SLC24A3: variants seen among roughly 807,000 people sequenced by gnomAD.
SLC24A3 encodes sodium/potassium/calcium exchanger 3.
A neutral mutation model predicts 75.8 loss-of-function variants in SLC24A3; 28 were observed. That is an observed-to-expected ratio of 0.37 (90% confidence interval 0.27 to 0.51). The LOEUF (loss-of-function observed/expected upper bound fraction) is 0.51, where lower values mean the gene tolerates loss of function less well. Among genes scored for constraint, SLC24A3 ranks in the 20% least tolerant of loss-of-function variants. The pLI is 0.94. For missense variants in SLC24A3, 663 were observed against 847.8 expected, an observed-to-expected ratio of 0.78 and a Z score of 2.71; for synonymous variants, 372 against 334.1, an observed-to-expected ratio of 1.11 and a Z score of -1.24.
intron 6 of SLC24A3, among the ~76,000 whole-genome samples, chr20:19,621,189 C>T (rs2031799402): frequency 6.6e-6 from 1 of 152,204 alleles, no homozygotes; most frequent in Admixed American, 6.5e-5. Flanking sequence ...TCCTGATTAA[C>T]ATCTCCCCAT....
chr20:19,367,185 T>A (rs116288395), intron 2 of SLC24A3, among the ~76,000 whole-genome samples: 2,977 of 152,312 alleles, frequency 0.02, 103 homozygotes, highest in African/African-American at 0.068. Flanking sequence ...AGCTCCCAAG[T>A]TGGACAGCAC....
chr20:19,276,848 T>C (rs1983502966), intron 1 of SLC24A3, among the ~76,000 whole-genome samples: 2 of 151,750 alleles, frequency 1.3e-5, no homozygotes, highest in African/African-American at 4.8e-5. Flanking sequence ...GAGGCTGCAG[T>C]GCACCATTGC....
At chr20:19,248,056 A>G (rs547276329) in intron 1 of SLC24A3, among the ~76,000 whole-genome samples, 150 of 152,356 alleles carry the variant, frequency 9.8e-4, no homozygotes, top group African/African-American at 3.4e-3. Flanking sequence ...TAAAACCTAC[A>G]TAGGTTTGTT....
intron 2 of SLC24A3, among the ~76,000 whole-genome samples, chr20:19,463,374 C>T (rs1987710258): frequency 6.6e-6 from 1 of 152,236 alleles, no homozygotes; most frequent in Non-Finnish European, 1.5e-5. Context: ...GATCCGTTAA[C>T]ATTTCAGTCT....
chr20:19,256,790 A>G (rs1191334453), intron 1 of SLC24A3, among the ~76,000 whole-genome samples: 2 of 149,290 alleles, frequency 1.3e-5, no homozygotes, highest in Admixed American at 6.7e-5. Context: ...AAAAAAAAAG[A>G]GAATTTTATG....
In SLC24A3 at chr20:19,717,450, G is replaced by T. The variant is rs1301405289; in HGVS notation, c.1720-78G>T. On this transcript the variant is annotated intron_variant, in intron 15 of 16. Transcript: ENST00000328041. ...ATCACTGCTACTCAGAGTTGCGTAG[G>T]CAGATGCCTTTTCCAAAGCCTAACT... 55 of 1,452,648 alleles carry T rather than the reference G, an allele frequency of 3.8e-5. 3 individuals carry two copies. The South Asian group carries it at 6.5e-4, about 17-fold the overall frequency. 90.0% of individuals were successfully genotyped at this position (1,452,648 alleles called of 1,614,324 possible). A position where few individuals can be genotyped will look rare whatever the true frequency, so the allele number is the denominator to read the frequency against.
intron 2 of SLC24A3, among the ~76,000 whole-genome samples, chr20:19,448,797 C>A (rs1156539155): frequency 6.6e-6 from 1 of 152,214 alleles, no homozygotes; most frequent in Non-Finnish European, 1.5e-5. Flanking sequence ...GTCAATGAGA[C>A]AAACCATGCA....
intron 3 of SLC24A3, among the ~76,000 whole-genome samples, chr20:19,515,951 C>T (rs2029978998): frequency 6.6e-6 from 1 of 152,216 alleles, no homozygotes; most frequent in Non-Finnish European, 1.5e-5. Context: ...TGCTATCTGC[C>T]ATTGCATAGT....
intron 1 of SLC24A3, among the ~76,000 whole-genome samples, chr20:19,216,237 G>A (rs918870623): frequency 2.0e-5 from 3 of 152,126 alleles, no homozygotes; most frequent in East Asian, 1.9e-4. Context: ...GATTACTTTT[G>A]TGTATTTTGA....
chr20:19,534,743 G>A (rs932404079), intron 3 of SLC24A3, among the ~76,000 whole-genome samples: 2 of 152,164 alleles, frequency 1.3e-5, no homozygotes, highest in East Asian at 3.9e-4. Flanking sequence ...TCTATGTGTA[G>A]AGACCCCTGA....
chr20:19,695,261 A>G (rs1472547629), intron 13 of SLC24A3, among the ~76,000 whole-genome samples: 3 of 152,174 alleles, frequency 2.0e-5, no homozygotes, highest in South Asian at 2.1e-4. Context: ...GGGCTGGCCC[A>G]GGAGGAACTG....
chr20:19,579,908 GA>G (rs1470894376), intron 3 of SLC24A3, 91 bp from the exon 4 acceptor site: 82 of 827,910 alleles, frequency 9.9e-5, no homozygotes, highest in South Asian at 7.9e-4. Flanking sequence ...CATGATGACA[GA>G]AGACATTATC....
intron 1 of SLC24A3, among the ~76,000 whole-genome samples, chr20:19,222,837 T>TTCCTTCC (rs1395253982): frequency 5.3e-5 from 3 of 56,572 alleles, no homozygotes; most frequent in African/African-American, 6.6e-5. Flanking sequence ...TCCTTCCTTC[T>TTCCTTCC]TTCCTTCCCT....
intron 12 of SLC24A3, among the ~76,000 whole-genome samples, chr20:19,689,742 T>C (rs1256151808): frequency 1.3e-5 from 2 of 152,102 alleles, no homozygotes; most frequent in Admixed American, 6.5e-5. Context: ...AAATGGAAAT[T>C]AAGGGCTGGG....
At chr20:19,623,409 G>T (rs1439372535) in intron 6 of SLC24A3, among the ~76,000 whole-genome samples, 3 of 152,152 alleles carry the variant, frequency 2.0e-5, no homozygotes, top group Non-Finnish European at 2.9e-5. Context: ...GACCATCAAG[G>T]CTGTGGCTAG....
rs556732185 is a variant in SLC24A3, at chr20:19,553,087, CTCCCTCCT to C, written c.349-26909_349-26902del. 1.3e-3 allele frequency among the ~76,000 whole-genome samples: 174 copies of C among 134,006 alleles called. 1 individual carries two copies. The highest frequency in any genetic ancestry group is 4.5e-3 in the African/African-American group (168 of 37,334). The allele number at this position is 134,006 out of a possible 152,430, so 87.9% of individuals were successfully genotyped here. On this transcript the variant is annotated intron_variant, in intron 3 of 16. Coordinates refer to ENST00000328041, the MANE Select transcript of SLC24A3 (RefSeq NM_020689.4). ...CTTCCTTCCCTCCCTCCCTCCCTCC[CTCCCTCCT>C]TCCTTCCTTCCTTCCTTCCTGTCTT...
chr20:19,365,806 T>C (rs1242943321), intron 2 of SLC24A3, among the ~76,000 whole-genome samples: 1 of 152,092 alleles, frequency 6.6e-6, no homozygotes, highest in Non-Finnish European at 1.5e-5. Flanking sequence ...ATTGCAAAAG[T>C]TTCCTACTTT....
In SLC24A3 at chr20:19,528,052, G is replaced by A. The variant is rs79024727; in HGVS notation, c.348+12488G>A. The stretch of plus-strand genomic sequence containing the variant: ...CAGGCTCCAAGATTCCACCTAGTAA[G>A]GGCCCAGGAGTCCAAGCTCTTTAAG... On this transcript the variant is annotated intron_variant, in intron 3 of 16. Coordinates refer to ENST00000328041, the MANE Select transcript of SLC24A3 (RefSeq NM_020689.4). Among the ~76,000 whole-genome samples, 1,365 of 152,250 alleles carry A rather than the reference G, an allele frequency of 9.0e-3. 21 individuals carry two copies. Among genetic ancestry groups the A allele is most frequent in the South Asian group, 0.041 (200 of 4,824 alleles).
At chr20:19,528,989 A>AG (rs1305553922) in intron 3 of SLC24A3, among the ~76,000 whole-genome samples, 1 of 152,178 alleles carries the variant, frequency 6.6e-6, no homozygotes, top group African/African-American at 2.4e-5. Context: ...TCAAACCTGG[A>AG]GGATAGTTGT....
Sources: allele counts gnomAD v4.1 joint callset (sites outside exome capture counted in the v4.1 genomes callset), GRCh38; gene constraint gnomAD v4.1.1; transcripts MANE v1.5; gene names NCBI Gene and HGNC (gene_info 2026-07-23, HGNC 2026-07-21).